Variants in ARPC1A observed in about 807,000 individuals in gnomAD.
ARPC1A encodes actin-related protein 2/3 complex subunit 1A.
In ARPC1A, 8 loss-of-function variants were observed where a neutral mutation model predicts 46.9. That is an observed-to-expected ratio of 0.17 (90% CI 0.10 to 0.31). The LOEUF is 0.31. Among genes scored for constraint, ARPC1A ranks in the 10% least tolerant of loss-of-function variants. The pLI is 1.00. For missense variants in ARPC1A, 286 were observed against 483.6 expected, an observed-to-expected ratio of 0.59 and a Z score of 3.83; for synonymous variants, 152 against 169.0, an observed-to-expected ratio of 0.90 and a Z score of 0.78.
In ARPC1A at chr7:99,365,987, G is replaced by A. The variant is rs532195296; in HGVS notation, c.*58G>A. ...AACTGTGGCCGACCGCAGCTGTGCC[G>A]TGGCACGATGGCGAGGAAGCCAGCC... On this transcript the variant is annotated 3_prime_UTR_variant, in exon 10 of 10. Coordinates refer to ENST00000262942, the MANE Select transcript of ARPC1A (RefSeq NM_006409.4). 3.9e-6 allele frequency: 6 copies of A among 1,530,744 alleles called. No individual in the cohort carries two copies. The highest frequency in any genetic ancestry group is 1.2e-5 in the South Asian group (1 of 83,888). 94.8% of individuals were successfully genotyped at this position (1,530,744 alleles called of 1,614,324 possible).
chr7:99,365,231 G>A (rs921601826), intron 9 of ARPC1A, among the ~76,000 whole-genome samples: 1 of 151,816 alleles, frequency 6.6e-6, no homozygotes, highest in Non-Finnish European at 1.5e-5. Context: ...TGGGAGAATC[G>A]CTTGAGGCCA....
chr7:99,364,303 G>A (rs1208412071), intron 9 of ARPC1A, among the ~76,000 whole-genome samples: 3 of 116,526 alleles, frequency 2.6e-5, no homozygotes, highest in East Asian at 5.1e-4. Flanking sequence ...ACAGAGTTTC[G>A]CTCTTGTTGC....
Position 99,348,971 on chromosome 7 carries a change from T to C in ARPC1A, c.500+12T>C. The stretch of plus-strand genomic sequence containing the variant: ...GACTTCAAATGCAGGTGGGAACCAG[T>C]GAGAACTGATAAACTTGAGCCGTGC... On this transcript the variant is annotated intron_variant, in intron 5 of 9. Transcript: ENST00000262942. 7 of 1,602,750 alleles carry C rather than the reference T, an allele frequency of 4.4e-6. No homozygotes were observed. The highest frequency in any genetic ancestry group is 5.1e-6 in the Non-Finnish European group (6 of 1,170,634).
At chr7:99,359,956 A>C (rs1315369247) in intron 8 of ARPC1A, 1 of 600,810 alleles carries the variant, frequency 1.7e-6, no homozygotes, top group Admixed American at 2.8e-5. Flanking sequence ...TCTGTCCTTC[A>C]AGGTGCAGAT....
chr7:99,348,753 A>G, intron 4 of ARPC1A, 99 bp from the exon 5 acceptor site: 2 of 709,422 alleles, frequency 2.8e-6, no homozygotes, highest in Middle Eastern at 4.2e-4. Flanking sequence ...ATTAAGGAAA[A>G]GTGTGGCCTA....
chr7:99,365,999 C>A lies in ARPC1A; in HGVS notation c.*70C>A. 6.7e-7 allele frequency: 1 copy of A among 1,503,106 alleles called. No homozygotes were observed. Among genetic ancestry groups the A allele is most frequent in the African/African-American group, 1.4e-5 (1 of 72,206 alleles). The allele number at this position is 1,503,106 out of a possible 1,614,324, so 93.1% of individuals were successfully genotyped here. A position where few individuals can be genotyped will look rare whatever the true frequency, so the allele number is the denominator to read the frequency against. Reference sequence around the variant, plus strand: ...CCGCAGCTGTGCCGTGGCACGATGGCGAGGAAGCCAGCCCCAAGGAAACAC... The same window carrying A: ...CCGCAGCTGTGCCGTGGCACGATGGAGAGGAAGCCAGCCCCAAGGAAACAC... On this transcript the variant is annotated 3_prime_UTR_variant, in exon 10 of 10. Transcript: ENST00000262942.
At chr7:99,357,033 T>A (rs1329822431) in intron 6 of ARPC1A, among the ~76,000 whole-genome samples, 2 of 152,258 alleles carry the variant, frequency 1.3e-5, no homozygotes, top group Admixed American at 1.3e-4. Flanking sequence ...TATACATTTT[T>A]ATATACATTT....
intron 6 of ARPC1A, 21 bp downstream of exon 6, chr7:99,354,142 T>C: frequency 6.2e-7 from 1 of 1,606,718 alleles, no homozygotes; most frequent in Non-Finnish European, 8.5e-7. Flanking sequence ...GCCTTTCATT[T>C]GGAAGGTGGG....
intron 6 of ARPC1A, among the ~76,000 whole-genome samples, chr7:99,358,025 G>A (rs1470806388): frequency 3.3e-5 from 5 of 152,184 alleles, no homozygotes; most frequent in African/African-American, 9.7e-5. Flanking sequence ...GAAGTGGCCC[G>A]GGAAAGTGGA....
chr7:99,360,469 G>A (rs1231892129), intron 8 of ARPC1A, among the ~76,000 whole-genome samples: 2 of 151,964 alleles, frequency 1.3e-5, no homozygotes, highest in African/African-American at 2.4e-5. Context: ...GGGATTACAG[G>A]CGTGTGCCAC....
At chr7:99,350,731 G>A (rs576482900) in intron 5 of ARPC1A, among the ~76,000 whole-genome samples, 3 of 137,860 alleles carry the variant, frequency 2.2e-5, no homozygotes, top group African/African-American at 5.4e-5. Flanking sequence ...CTGCAGCTTC[G>A]ACCTCCCGGA....
chr7:99,351,182 G>T (rs1793538174), intron 5 of ARPC1A, among the ~76,000 whole-genome samples: 1 of 152,042 alleles, frequency 6.6e-6, no homozygotes, highest in African/African-American at 2.4e-5. Flanking sequence ...CACACCACCT[G>T]GATTCTTTGA....
chr7:99,344,597 G>GTTTTTCTCATCCGGAGTTGTGTGGT, intron 4 of ARPC1A, 82 bp downstream of exon 4: 1 of 1,398,956 alleles, frequency 7.1e-7, no homozygotes, highest in South Asian at 1.2e-5. Flanking sequence ...CATAACTCCA[G>GTTTTTCTCATCCGGAGTTGTGTGGT]TTTTTCTCAT....
Position 99,326,514 on chromosome 7 carries a change from C to T in ARPC1A, c.-30+510C>T, listed in dbSNP as rs138051453. Among the ~76,000 whole-genome samples, 245 of 152,312 alleles carry T rather than the reference C, an allele frequency of 1.6e-3. 3 individuals carry two copies. The highest frequency in any genetic ancestry group is 5.7e-3 in the African/African-American group (237 of 41,566). ...CCCGAGTTCTTTTAAGATTTCCCTGCATGAGTACCGCCTTCCCCCAAGTCA... is the reference window on the plus strand; with the variant it reads ...CCCGAGTTCTTTTAAGATTTCCCTGTATGAGTACCGCCTTCCCCCAAGTCA... On this transcript the variant is annotated intron_variant, in intron 1 of 9. Transcript: ENST00000262942.
At chr7:99,353,632 C>A (rs927115677) in intron 5 of ARPC1A, among the ~76,000 whole-genome samples, 1 of 151,950 alleles carries the variant, frequency 6.6e-6, no homozygotes, top group Non-Finnish European at 1.5e-5. Context: ...CATGCGCCCC[C>A]ACGCTTGGCT....
At chr7:99,344,709 T>C (rs1440677483) in intron 4 of ARPC1A, among the ~76,000 whole-genome samples, 194 bp downstream of exon 4, 1 of 152,074 alleles carries the variant, frequency 6.6e-6, no homozygotes, top group East Asian at 1.9e-4. Flanking sequence ...TATATTAACA[T>C]AGAGCTATTG....
At chr7:99,360,420 G>C (rs1793718945) in intron 8 of ARPC1A, among the ~76,000 whole-genome samples, 1 of 151,578 alleles carries the variant, frequency 6.6e-6, no homozygotes. Context: ...CTGCCTCCCG[G>C]GTTCAAGCAA....
In ARPC1A at chr7:99,359,127, G is replaced by A. The variant is rs367741224; in HGVS notation, c.790-418G>A. On this transcript the variant is annotated intron_variant, in intron 7 of 9. Transcript: ENST00000262942. The stretch of plus-strand genomic sequence containing the variant: ...ATTACAGGTGTGAGCCACCGTGCCC[G>A]GCCGCTCACTTTTAAGAGTAAGAGG... Among the ~76,000 whole-genome samples the A allele has an allele frequency of 1.2e-3, 182 of 150,740 alleles. 2 individuals carry two copies. The highest frequency in any genetic ancestry group is 4.3e-3 in the African/African-American group (177 of 41,246).
At chr7:99,326,387 C>T (rs965780896) in intron 1 of ARPC1A, among the ~76,000 whole-genome samples, 1 of 152,168 alleles carries the variant, frequency 6.6e-6, no homozygotes, top group African/African-American at 2.4e-5. Flanking sequence ...AGAGTCGATC[C>T]CTGCATACAG....
Sources: gnomAD v4.1 joint callset for allele counts (sites outside exome capture counted in the v4.1 genomes callset) on GRCh38, gnomAD v4.1.1 for gene constraint, MANE v1.5 for transcripts, NCBI Gene and HGNC (gene_info 2026-07-23, HGNC 2026-07-21) for gene names.